TSPAN18: variants seen among roughly 807,000 people sequenced by gnomAD.
The protein encoded by TSPAN18 is tetraspanin 18.
A neutral mutation model predicts 27.3 loss-of-function variants in TSPAN18; 14 were observed. That is an observed-to-expected ratio of 0.51 (90% CI 0.34 to 0.80). TSPAN18 has a LOEUF of 0.80. TSPAN18 is among the 30% of genes least tolerant of loss of function. The pLI, the probability that TSPAN18 is intolerant of heterozygous loss-of-function variation, is 0.01. For synonymous variants in TSPAN18, 143 were observed against 136.5 expected (o/e 1.05, Z -0.33); for missense variants, 268 against 323.9 (o/e 0.83, Z 1.32).
At chr11:44,834,504 A>G (rs1409305008) in intron 2 of TSPAN18, among the ~76,000 whole-genome samples, 1 of 152,152 alleles carries the variant, frequency 6.6e-6, no homozygotes, top group African/African-American at 2.4e-5. Flanking sequence ...GATGAAACCC[A>G]AGGCCTCACA....
At chr11:44,926,609 G>GA in intron 8 of TSPAN18, 65 bp from the exon 9 acceptor site, 1 of 1,429,078 alleles carries the variant, frequency 7.0e-7, no homozygotes, top group Non-Finnish European at 9.9e-7. Context: ...TAGTCCACAT[G>GA]CTGGACTCTG....
intron 9 of TSPAN18, among the ~76,000 whole-genome samples, chr11:44,927,505 C>T (rs929746895): frequency 1.7e-4 from 26 of 152,336 alleles, no homozygotes; most frequent in Admixed American, 8.5e-4. Context: ...CACCTGGCAC[C>T]ATGAACTTCG....
At chr11:44,749,641 T>TTTTG (rs1855163697) in intron 1 of TSPAN18, among the ~76,000 whole-genome samples, 1 of 147,732 alleles carries the variant, frequency 6.8e-6, no homozygotes, top group African/African-American at 2.5e-5. Flanking sequence ...TCTTTTTTTT[T>TTTTG]TTTTTTTTTT....
At chr11:44,910,023 C>A in intron 5 of TSPAN18, 124 bp downstream of exon 5, 1 of 1,209,178 alleles carries the variant, frequency 8.3e-7, no homozygotes, top group South Asian at 1.6e-5. Flanking sequence ...GGCGGGCTGT[C>A]AAAGCAGAAG....
intron 5 of TSPAN18, among the ~76,000 whole-genome samples, chr11:44,915,396 A>G (rs1197284942): frequency 6.6e-6 from 1 of 151,998 alleles, no homozygotes; most frequent in Non-Finnish European, 1.5e-5. Flanking sequence ...GGAAATGAGA[A>G]TTGTAGGAGT....
intron 3 of TSPAN18, 98 bp downstream of exon 3, chr11:44,860,567 T>G (rs1187879935): frequency 6.6e-6 from 1 of 152,234 alleles, no homozygotes; most frequent in Non-Finnish European, 1.5e-5. Context: ...CACCTGTCAT[T>G]CTCTTTCATG....
At chr11:44,866,931 A>T (rs1858053468) in intron 3 of TSPAN18, among the ~76,000 whole-genome samples, 1 of 151,416 alleles carries the variant, frequency 6.6e-6, no homozygotes, top group South Asian at 2.1e-4. Context: ...GGGGAAAAAA[A>T]GTCTCAAGAC....
intron 1 of TSPAN18, among the ~76,000 whole-genome samples, chr11:44,746,637 G>C (rs1319804801): frequency 6.6e-6 from 1 of 152,164 alleles, no homozygotes; most frequent in African/African-American, 2.4e-5. Flanking sequence ...CATGCCTGTA[G>C]TCCCAGCTAC....
chr11:44,757,468 C>T (rs959796341), intron 1 of TSPAN18, among the ~76,000 whole-genome samples: 4 of 152,120 alleles, frequency 2.6e-5, no homozygotes, highest in African/African-American at 9.7e-5. Flanking sequence ...ACTGCAGCCT[C>T]TTTCTCTCAT....
rs542901717 is a variant in TSPAN18 at position 44,810,828 on chromosome 11, C to T, written c.-153+46316C>T. On this transcript the variant is annotated intron_variant, in intron 2 of 9. Coordinates refer to ENST00000520358, the MANE Select transcript of TSPAN18 (RefSeq NM_130783.5). ...TTTGCCATGTTGCCCAGGCTAGTCTCGAACTCCTGGGCTCAAGTGATCTGC... is the reference window on the plus strand; with the variant it reads ...TTTGCCATGTTGCCCAGGCTAGTCTTGAACTCCTGGGCTCAAGTGATCTGC... Among the ~76,000 whole-genome samples the T allele has an allele frequency of 6.6e-5, 10 of 151,930 alleles. No homozygotes were observed. The South Asian group carries it at 1.0e-3, about 16-fold the overall frequency.
At position 44,885,005 on chromosome 11, in the gene TSPAN18, T is replaced by C. The variant is rs76969279; in HGVS notation, c.-10-21402T>C. ...GTGTTAATTTGTAACTAAAGTGGGG[T>C]TGTCCCAGAGTCATGCCCAGTTGTC... On this transcript the variant is annotated intron_variant, in intron 3 of 9. Transcript: ENST00000520358. Among the ~76,000 whole-genome samples, 1,254 of 152,280 alleles carry C rather than the reference T, an allele frequency of 8.2e-3. 23 individuals are homozygous for C. The highest frequency in any genetic ancestry group is 0.028 in the African/African-American group (1,179 of 41,540).
chr11:44,792,680 A>G (rs1856255974), intron 2 of TSPAN18, among the ~76,000 whole-genome samples: 1 of 152,132 alleles, frequency 6.6e-6, no homozygotes, highest in African/African-American at 2.4e-5. Context: ...TGCCCCTCTG[A>G]TCCTCACTCA....
intron 2 of TSPAN18, among the ~76,000 whole-genome samples, chr11:44,792,876 A>G (rs1018704524): frequency 1.3e-5 from 2 of 152,134 alleles, no homozygotes; most frequent in African/African-American, 2.4e-5. Flanking sequence ...CTGGAAATCC[A>G]GGGTTTGCAG....
intron 2 of TSPAN18, among the ~76,000 whole-genome samples, chr11:44,808,819 C>T (rs1216831055): frequency 6.6e-6 from 1 of 152,114 alleles, no homozygotes; most frequent in Non-Finnish European, 1.5e-5. Flanking sequence ...TATCCATATT[C>T]GTATAAGATT....
intron 2 of TSPAN18, among the ~76,000 whole-genome samples, chr11:44,806,837 G>A (rs747583466): frequency 3.9e-4 from 60 of 152,126 alleles, no homozygotes; most frequent in Non-Finnish European, 5.7e-4. Flanking sequence ...TCCAGAGCAG[G>A]GAGGAAGTGT....
chr11:44,821,546 C>T (rs912446656), intron 2 of TSPAN18, among the ~76,000 whole-genome samples: 1 of 152,186 alleles, frequency 6.6e-6, no homozygotes, highest in African/African-American at 2.4e-5. Flanking sequence ...TTATTTTTCT[C>T]AGATAATTTC....
intron 3 of TSPAN18, among the ~76,000 whole-genome samples, chr11:44,882,563 C>T (rs1031122292): frequency 3.4e-5 from 5 of 149,026 alleles, no homozygotes; most frequent in African/African-American, 1.3e-4. Context: ...CGTTCCACCT[C>T]ACCAGGAAAT....
chr11:44,921,079 G>A (rs1860115458), intron 8 of TSPAN18, among the ~76,000 whole-genome samples: 1 of 152,132 alleles, frequency 6.6e-6, no homozygotes, highest in Non-Finnish European at 1.5e-5. Flanking sequence ...AGCCCCTCTG[G>A]CCCTGGCACA....
At chr11:44,761,456 C>T (rs902099390) in intron 1 of TSPAN18, among the ~76,000 whole-genome samples, 1 of 152,220 alleles carries the variant, frequency 6.6e-6, no homozygotes, top group Non-Finnish European at 1.5e-5. Flanking sequence ...CAGCTGGTTT[C>T]CCTCACACAA....
Sources: allele counts gnomAD v4.1 joint callset (sites outside exome capture counted in the v4.1 genomes callset), GRCh38; gene constraint gnomAD v4.1.1; transcripts MANE v1.5; gene names NCBI Gene and HGNC (gene_info 2026-07-23, HGNC 2026-07-21).